MEI4: variants seen among roughly 807,000 people sequenced by gnomAD.
The protein encoded by MEI4 is meiosis-specific protein MEI4.
MEI4 carries 27 observed loss-of-function variants against 31.4 expected under a neutral mutation model. That is an observed-to-expected ratio of 0.86 (90% CI 0.63 to 1.19). The LOEUF is 1.19. Ranked by LOEUF, MEI4 falls within the 50% of genes most tolerant of loss-of-function variation. The pLI, the probability that MEI4 is intolerant of heterozygous loss-of-function variation, is 0.00. For missense variants in MEI4, 329 were observed against 398.9 expected (o/e 0.82, Z 1.49); for synonymous variants, 122 against 145.4 (o/e 0.84, Z 1.16).
intron 1 of MEI4, among the ~76,000 whole-genome samples, chr6:77,656,551 C>G (rs540610831): frequency 6.6e-6 from 1 of 151,978 alleles, no homozygotes; most frequent in African/African-American, 2.4e-5. Flanking sequence ...TTAAATGTTC[C>G]TAAGGGGAAG....
intron 3 of MEI4, among the ~76,000 whole-genome samples, chr6:77,783,399 TTAA>T (rs1306590001): frequency 6.6e-6 from 1 of 152,226 alleles, no homozygotes; most frequent in Non-Finnish European, 1.5e-5. Context: ...TCCATGGATC[TTAA>T]TAAAAACCAT....
chr6:77,764,711 C>A (rs2127683903), intron 3 of MEI4, among the ~76,000 whole-genome samples: 1 of 152,268 alleles, frequency 6.6e-6, no homozygotes, highest in East Asian at 1.9e-4. Flanking sequence ...TTTTAGGTCA[C>A]AAAACATGTC....
chr6:77,821,799 C>CAAAAAA (rs34905460), intron 3 of MEI4, among the ~76,000 whole-genome samples: 1 of 93,042 alleles, frequency 1.1e-5, no homozygotes, highest in Non-Finnish European at 2.0e-5. Context: ...GCCATCTCTC[C>CAAAAAA]AAAAAAAAAA....
chr6:77,701,427 C>T (rs910540990), intron 2 of MEI4, among the ~76,000 whole-genome samples: 14 of 151,778 alleles, frequency 9.2e-5, no homozygotes, highest in South Asian at 4.2e-4. Context: ...AGTGTGTGTG[C>T]GGGTGGGGCA....
At chr6:77,730,552 T>C (rs1766952155) in intron 2 of MEI4, among the ~76,000 whole-genome samples, 1 of 152,006 alleles carries the variant, frequency 6.6e-6, no homozygotes, top group Admixed American at 6.6e-5. Context: ...AGAGCAATTA[T>C]TTTGCTCATT....
intron 1 of MEI4, among the ~76,000 whole-genome samples, chr6:77,655,874 A>G (rs1302153083): frequency 6.6e-6 from 1 of 152,160 alleles, no homozygotes; most frequent in Non-Finnish European, 1.5e-5. Flanking sequence ...TTTTGGAAAT[A>G]TAGTAAAATA....
At chr6:77,736,319 G>A (rs1055900945) in intron 2 of MEI4, among the ~76,000 whole-genome samples, 1 of 151,996 alleles carries the variant, frequency 6.6e-6, no homozygotes, top group African/African-American at 2.4e-5. Context: ...CGAGCCATGT[G>A]CGGGATATAA....
At chr6:77,692,639 G>A (rs569804040) in intron 2 of MEI4, among the ~76,000 whole-genome samples, 3 of 152,004 alleles carry the variant, frequency 2.0e-5, no homozygotes, top group Non-Finnish European at 4.4e-5. Context: ...TTTATGAATG[G>A]TTTCAGAGAG....
intron 4 of MEI4, among the ~76,000 whole-genome samples, chr6:77,843,090 TAAA>T (rs10710679): frequency 2.1e-5 from 3 of 143,924 alleles, no homozygotes; most frequent in African/African-American, 2.5e-5. Context: ...TTACTATTAT[TAAA>T]AAAAAAAAAA....
At chr6:77,894,315 C>T (rs1005857843) in intron 4 of MEI4, among the ~76,000 whole-genome samples, 1 of 151,882 alleles carries the variant, frequency 6.6e-6, no homozygotes, top group Non-Finnish European at 1.5e-5. Context: ...GGGTGACTTA[C>T]ACTGTACCTA....
At chr6:77,881,725 G>C (rs1033142) in intron 4 of MEI4, among the ~76,000 whole-genome samples, 14,024 of 152,162 alleles carry the variant, frequency 0.092, 945 homozygotes, top group East Asian at 0.31. Flanking sequence ...GACTGATTTT[G>C]AGCTGGAAAA....
At chr6:77,730,022 G>T (rs1367624954) in intron 2 of MEI4, among the ~76,000 whole-genome samples, 1 of 152,014 alleles carries the variant, frequency 6.6e-6, no homozygotes, top group Non-Finnish European at 1.5e-5. Context: ...AAGAGCTGAG[G>T]TCAAAGTAGT....
At chr6:77,835,407 TA>T (rs1298674478) in intron 4 of MEI4, among the ~76,000 whole-genome samples, 10,459 of 75,876 alleles carry the variant, frequency 0.14, 1,097 homozygotes, top group African/African-American at 0.34. Flanking sequence ...CACACACAAA[TA>T]AAAAAAAAAA....
At chr6:77,898,801 C>T (rs1562030292) in intron 4 of MEI4, among the ~76,000 whole-genome samples, 3 of 151,920 alleles carry the variant, frequency 2.0e-5, no homozygotes, top group African/African-American at 4.8e-5. Context: ...ATGTGACTTT[C>T]CTTTTGTCCC....
At chr6:77,716,565 A>G (rs1004002336) in intron 2 of MEI4, among the ~76,000 whole-genome samples, 2 of 152,170 alleles carry the variant, frequency 1.3e-5, no homozygotes. Flanking sequence ...AGTCCAGTTA[A>G]GAATTCATTG....
Position 77,791,405 on chromosome 6 carries a change from A to T in MEI4, c.768+29740A>T, listed in dbSNP as rs565235450. On this transcript the variant is annotated intron_variant, in intron 3 of 4. Transcript: ENST00000684080. ...AGGGACATGGATGAAATTGGAAATCATCATTCTCAGTAAACTATCGCAAGA... is the reference window on the plus strand; with the variant it reads ...AGGGACATGGATGAAATTGGAAATCTTCATTCTCAGTAAACTATCGCAAGA... 3.4e-3 allele frequency among the ~76,000 whole-genome samples: 518 copies of T among 151,438 alleles called. 11 individuals are homozygous for T. The highest frequency in any genetic ancestry group is 8.0e-4 in the Non-Finnish European group (54 of 67,856).
Position 77,761,436 on chromosome 6 carries a change from C to G in MEI4, c.539C>G (p.Ser180Cys). ...GACTTAACCCACTTTGAAAAAGACT[C>G]TTCCACAGTCTCTGATTCTGTTTTT... The part of the protein sequence containing the change: ...KRDLTHFEKD[S>C]STVSDSVFQL... The change falls in exon 3 of 5, where the codon TCT becomes TGT. Residue 180 changes from serine (S) to cysteine (C), a missense_variant. By Grantham distance (112) the Ser-to-Cys change is moderately radical. Coordinates refer to ENST00000684080, the MANE Select transcript of MEI4 (RefSeq NM_001322247.2). 8.1e-7 allele frequency: 1 copy of G among 1,232,110 alleles called. No homozygotes were observed. The highest frequency in any genetic ancestry group is 1.0e-6 in the Non-Finnish European group (1 of 987,884). The allele number at this position is 1,232,110 out of a possible 1,614,324, so 76.3% of individuals were successfully genotyped here. A position where few individuals can be genotyped will look rare whatever the true frequency, so the allele number is the denominator to read the frequency against.
chr6:77,894,591 T>C (rs1766042251), intron 4 of MEI4, among the ~76,000 whole-genome samples: 1 of 152,232 alleles, frequency 6.6e-6, no homozygotes, highest in East Asian at 1.9e-4. Flanking sequence ...TTAATTTCTT[T>C]GAGTCAGCTC....
chr6:77,766,031 A>T (rs928277526), intron 3 of MEI4, among the ~76,000 whole-genome samples: 2 of 152,198 alleles, frequency 1.3e-5, no homozygotes, highest in Non-Finnish European at 2.9e-5. Context: ...TCTAAGCAGC[A>T]GCTCTTATTA....
Sources: allele counts gnomAD v4.1 joint callset (sites outside exome capture counted in the v4.1 genomes callset), GRCh38; gene constraint gnomAD v4.1.1; transcripts MANE v1.5; gene names NCBI Gene and HGNC (gene_info 2026-07-23, HGNC 2026-07-21).